CNTNAP2: variants seen among roughly 807,000 people sequenced by gnomAD.
CNTNAP2 encodes the protein contactin associated protein 2, also known as contactin-associated protein-like 2.
Under a neutral mutation model 155.2 loss-of-function variants are expected in CNTNAP2, and 98 were observed. That is an observed-to-expected ratio of 0.63 (90% CI 0.54 to 0.75). CNTNAP2 has a LOEUF of 0.75. Among genes scored for constraint, CNTNAP2 ranks in the 30% least tolerant of loss-of-function variants. CNTNAP2 has a pLI of 0.00. For missense variants in CNTNAP2, 1,727 were observed against 1,688.1 expected (o/e 1.02, Z -0.40); for synonymous variants, 651 against 631.2 (o/e 1.03, Z -0.47).
intron 3 of CNTNAP2, among the ~76,000 whole-genome samples, chr7:146,952,957 A>T (rs1048281420): frequency 1.3e-5 from 2 of 152,090 alleles, no homozygotes; most frequent in Non-Finnish European, 2.9e-5. Flanking sequence ...TGTTTATTGT[A>T]AGTGACAGTC....
intron 11 of CNTNAP2, among the ~76,000 whole-genome samples, chr7:147,493,376 C>T (rs1428383183): frequency 5.3e-5 from 8 of 152,110 alleles, no homozygotes; most frequent in Non-Finnish European, 8.8e-5. Context: ...ATTTACTTTC[C>T]ATCCCATTCC....
At position 147,721,060 on chromosome 7, in the gene CNTNAP2, G is replaced by A. The variant is rs1003668521; in HGVS notation, c.2098+81754G>A. On this transcript the variant is annotated intron_variant, in intron 13 of 23. Transcript: ENST00000361727. ...GCCTTGTCTATGCTCAGCATTCTGT[G>A]AGATACTGTCTGGTAAACAAAATAC... is the stretch of plus-strand genomic sequence containing the variant. Among the ~76,000 whole-genome samples the A allele has an allele frequency of 3.9e-4, 59 of 152,050 alleles. 1 individual carries two copies. Among genetic ancestry groups the A allele is most frequent in the Admixed American group, 3.3e-3 (50 of 15,248 alleles).
At chr7:147,741,716 A>T (rs113023480) in intron 13 of CNTNAP2, among the ~76,000 whole-genome samples, 4,208 of 151,436 alleles carry the variant, frequency 0.028, 185 homozygotes, top group African/African-American at 0.097. Flanking sequence ...CAGTAAAGCT[A>T]CCCCCTCAAA....
chr7:146,742,998 C>G (rs563926951), intron 1 of CNTNAP2, among the ~76,000 whole-genome samples: 23 of 151,796 alleles, frequency 1.5e-4, no homozygotes, highest in Middle Eastern at 3.4e-3. Context: ...AGATTTTTTT[C>G]AGAAAAATAT....
chr7:146,619,514 A>G (rs1563159295), intron 1 of CNTNAP2, among the ~76,000 whole-genome samples: 1 of 152,180 alleles, frequency 6.6e-6, no homozygotes, highest in African/African-American at 2.4e-5. Flanking sequence ...ATTGTATGCA[A>G]TTCTATTATG....
chr7:146,162,438 A>G (rs1409110252), intron 1 of CNTNAP2, among the ~76,000 whole-genome samples: 4 of 152,250 alleles, frequency 2.6e-5, no homozygotes, highest in Non-Finnish European at 4.4e-5. Context: ...AGAGAAATGC[A>G]AATCAAAACC....
intron 13 of CNTNAP2, among the ~76,000 whole-genome samples, chr7:147,683,729 CT>C (rs10716798): frequency 0.092 from 12,352 of 134,326 alleles, 672 homozygotes; most frequent in African/African-American, 0.2. Context: ...CACACTCAAG[CT>C]TTTTTTTTTT....
In CNTNAP2 at chr7:146,189,161, G is replaced by C. The variant is rs145311228; in HGVS notation, c.97+72188G>C. 3.0e-4 allele frequency among the ~76,000 whole-genome samples: 46 copies of C among 152,146 alleles called. 1 individual carries two copies. Among genetic ancestry groups the C allele is most frequent in the African/African-American group, 1.1e-3 (46 of 41,522 alleles). ...TTTAGACATTTTCTAATTCTCTCAGGTAATGAAATTCGGACTTTGTTCTTT... is the reference window on the plus strand; with the variant it reads ...TTTAGACATTTTCTAATTCTCTCAGCTAATGAAATTCGGACTTTGTTCTTT... On this transcript the variant is annotated intron_variant, in intron 1 of 23. Coordinates refer to ENST00000361727, the MANE Select transcript of CNTNAP2 (RefSeq NM_014141.6).
At chr7:147,072,309 G>A (rs1377987905) in intron 4 of CNTNAP2, among the ~76,000 whole-genome samples, 1 of 152,040 alleles carries the variant, frequency 6.6e-6, no homozygotes, top group Non-Finnish European at 1.5e-5. Flanking sequence ...GGCTTTTTAG[G>A]CAATGTTCCT....
chr7:146,284,284 G>A (rs1800294315), intron 1 of CNTNAP2, among the ~76,000 whole-genome samples: 1 of 151,996 alleles, frequency 6.6e-6, no homozygotes, highest in Non-Finnish European at 1.5e-5. Flanking sequence ...TAGCGCCAAA[G>A]TATATTAAAA....
chr7:147,653,711 C>T (rs145703492), intron 13 of CNTNAP2, among the ~76,000 whole-genome samples: 1,793 of 152,228 alleles, frequency 0.012, 105 homozygotes, highest in Admixed American at 0.11. Flanking sequence ...ACAGCAACAG[C>T]AACTAGAACA....
intron 21 of CNTNAP2, among the ~76,000 whole-genome samples, chr7:148,281,441 G>A (rs1007400944): frequency 2.0e-5 from 3 of 152,208 alleles, no homozygotes; most frequent in South Asian, 2.1e-4. Context: ...AAGGACAGAA[G>A]CAGCAGGAAA....
At chr7:147,091,236 C>A (rs1210850159) in intron 4 of CNTNAP2, among the ~76,000 whole-genome samples, 10 of 152,038 alleles carry the variant, frequency 6.6e-5, no homozygotes, top group Admixed American at 6.6e-4. Context: ...AGATCCTGAT[C>A]TCTGGGCTCA....
chr7:146,383,114 G>A (rs1370342832), intron 1 of CNTNAP2, among the ~76,000 whole-genome samples: 1 of 152,114 alleles, frequency 6.6e-6, no homozygotes, highest in South Asian at 2.1e-4. Context: ...GTGAATCTGT[G>A]TGAAATAGCT....
At position 147,507,039 on chromosome 7, in the gene CNTNAP2, T is replaced by C. The variant is rs569480740; in HGVS notation, c.1777+20998T>C. Among the ~76,000 whole-genome samples the C allele has an allele frequency of 5.3e-5, 8 of 152,266 alleles. 1 individual carries two copies. The South Asian group carries it at 1.7e-3, about 32-fold the overall frequency. ...AAAAAATAAAACAATTTAAAATGCA[T>C]GTGAAGTGGATGTTCATGATCAGAC... On this transcript the variant is annotated intron_variant, in intron 11 of 23. Transcript: ENST00000361727.
At position 148,410,065 on chromosome 7, in the gene CNTNAP2, A is replaced by AAAAAG. The variant is rs1362179783; in HGVS notation, c.3796+597_3796+598insAGAAA. On this transcript the variant is annotated intron_variant, in intron 23 of 23. Transcript: ENST00000361727. Reference sequence around the variant, plus strand: ...GACTCCGTCTCAAAAAAAAAAAAAAAAAAGAAAGAAAGAAAGAATATAGTA... The same window carrying AAAAAG: ...GACTCCGTCTCAAAAAAAAAAAAAAAAAAAGAAAGAAAGAAAGAAAGAATATAGTA... 1.7e-3 allele frequency among the ~76,000 whole-genome samples: 98 copies of AAAAAG among 59,190 alleles called. 22 individuals are homozygous for AAAAAG. Among genetic ancestry groups the AAAAAG allele is most frequent in the African/African-American group, 7.0e-3 (90 of 12,886 alleles). 38.8% of individuals were successfully genotyped at this position (59,190 alleles called of 152,430 possible).
intron 22 of CNTNAP2, among the ~76,000 whole-genome samples, chr7:148,406,704 T>C (rs1268305557): frequency 6.6e-6 from 1 of 152,252 alleles, no homozygotes; most frequent in African/African-American, 2.4e-5. Flanking sequence ...CTGGAAAAGA[T>C]GGGCAGTAAC....
chr7:146,252,654 T>G (rs185581006), intron 1 of CNTNAP2, among the ~76,000 whole-genome samples: 1 of 152,250 alleles, frequency 6.6e-6, no homozygotes, highest in Admixed American at 6.5e-5. Flanking sequence ...AGAAAACATT[T>G]TCTTCAAAAT....
At chr7:146,362,450 C>T (rs369198850) in intron 1 of CNTNAP2, among the ~76,000 whole-genome samples, 5 of 152,242 alleles carry the variant, frequency 3.3e-5, no homozygotes, top group African/African-American at 1.2e-4. Flanking sequence ...AGAAGACACG[C>T]TTCATCCCGA....
Sources: allele counts gnomAD v4.1 joint callset (sites outside exome capture counted in the v4.1 genomes callset), GRCh38; gene constraint gnomAD v4.1.1; transcripts MANE v1.5; gene names NCBI Gene and HGNC (gene_info 2026-07-23, HGNC 2026-07-21).